The following SVEP1 variants were observed in gnomAD, a reference collection of about 807,000 sequenced individuals.
SVEP1 encodes the protein sushi, von Willebrand factor type A, EGF and pentraxin domain containing 1.
Under a neutral mutation model 367.3 loss-of-function variants are expected in SVEP1, and 164 were observed. The ratio of observed to expected loss-of-function variants is 0.45; its 90% CI spans 0.39 to 0.51. The LOEUF (loss-of-function observed/expected upper bound fraction) is 0.51. Ranked by LOEUF, SVEP1 falls within the 20% of genes least tolerant of loss-of-function variation. The pLI is 0.00. For synonymous variants in SVEP1, 1,666 were observed against 1,611.6 expected (o/e 1.03, Z -0.81); for missense variants, 4,117 against 4,425.3 (o/e 0.93, Z 1.98).
intron 40 of SVEP1, among the ~76,000 whole-genome samples, chr9:110,390,188 CACTTATATAA>C (rs1827618845): frequency 1.5e-4 from 1 of 6,478 alleles, no homozygotes; most frequent in Non-Finnish European, 3.3e-4. Flanking sequence ...TGTATATATA[CACTTATATAA>C]GTATGTATGT....
At chr9:110,399,874 A>G (rs967406406) in intron 40 of SVEP1, among the ~76,000 whole-genome samples, 2 of 152,200 alleles carry the variant, frequency 1.3e-5, no homozygotes, top group African/African-American at 2.4e-5. Context: ...TAAAAATAAA[A>G]AAGAGTTTCC....
chr9:110,423,979 A>T (rs1208630405), intron 36 of SVEP1, among the ~76,000 whole-genome samples: 1 of 152,234 alleles, frequency 6.6e-6, no homozygotes, highest in East Asian at 1.9e-4. Context: ...GGAAAGAAGA[A>T]TCAACTGTGA....
intron 3 of SVEP1, among the ~76,000 whole-genome samples, chr9:110,542,192 G>A (rs1328358794): frequency 6.6e-6 from 1 of 152,088 alleles, no homozygotes; most frequent in Non-Finnish European, 1.5e-5. Flanking sequence ...AAACATGGGG[G>A]AAGACAGCAG....
intron 46 of SVEP1, among the ~76,000 whole-genome samples, chr9:110,372,182 T>G (rs559675623): frequency 6.6e-6 from 1 of 152,332 alleles, no homozygotes; most frequent in African/African-American, 2.4e-5. Flanking sequence ...TCCTTTTGTT[T>G]CTCCTCAGAT....
At chr9:110,539,617 A>ATG (rs1414152419) in intron 3 of SVEP1, among the ~76,000 whole-genome samples, 11 of 150,764 alleles carry the variant, frequency 7.3e-5, no homozygotes, top group African/African-American at 9.7e-5. Context: ...TTTTTAAAGT[A>ATG]TATATATACA....
At chr9:110,402,227 T>A (rs1216100529) in intron 39 of SVEP1, among the ~76,000 whole-genome samples, 3 of 152,182 alleles carry the variant, frequency 2.0e-5, no homozygotes, top group African/African-American at 7.2e-5. Context: ...AGCTTCTGAC[T>A]CATTACTTCT....
intron 5 of SVEP1, among the ~76,000 whole-genome samples, chr9:110,511,073 C>T (rs1829703462): frequency 1.3e-5 from 2 of 152,152 alleles, no homozygotes; most frequent in African/African-American, 2.4e-5. Flanking sequence ...ATTCTTTCTC[C>T]TTGGTAGGTA....
At chr9:110,404,104 T>G (rs770582189) in intron 39 of SVEP1, among the ~76,000 whole-genome samples, 10 of 152,222 alleles carry the variant, frequency 6.6e-5, no homozygotes, top group Admixed American at 2.6e-4. Flanking sequence ...ATAGAAATCT[T>G]AATATTTTAC....
rs1219987952 is a variant in SVEP1 at position 110,385,922 on chromosome 9, T to G, written c.10213A>C (p.Thr3405Pro). ...CTTTCACATTTGGCGCTTGTCTGTG[T>G]CCACGTCTCGTCGGGGTTGCAGGTA... The part of the protein sequence containing the change: ...IITCNPDETW[T>P]QTSAKCEKIS... The change falls in exon 43 of 48, where the codon ACA (threonine) becomes CCA (proline). Residue 3405 changes from threonine to proline, a missense_variant. By Grantham distance (38) the Thr-to-Pro change is conservative. Transcript: ENST00000374469. 1 of 1,613,788 alleles carries G rather than the reference T, an allele frequency of 6.2e-7. No individual in the cohort carries two copies. Among genetic ancestry groups the G allele is most frequent in the Admixed American group, 1.7e-5 (1 of 59,964 alleles).
Position 110,398,557 on chromosome 9 carries a change from C to A in SVEP1, c.9822+2297G>T, listed in dbSNP as rs141246315. Among the ~76,000 whole-genome samples, 1,216 of 147,446 alleles carry A rather than the reference C, an allele frequency of 8.2e-3. 18 individuals are homozygous for A. Among genetic ancestry groups the A allele is most frequent in the African/African-American group, 0.028 (1,127 of 40,648 alleles). On this transcript the variant is annotated intron_variant, in intron 40 of 47. Transcript: ENST00000374469. ...AACTATCATTAGAGTGAACAGGCAA[C>A]CTACAGAATGGGAGAAAATTTTTCC...
rs759544490 is a variant in SVEP1, at chr9:110,407,257, GAC to G, written c.8341_8342del (p.Val2781HisfsTer19). 1.2e-6 allele frequency: 2 copies of G among 1,613,992 alleles called. No individual in the cohort carries two copies. The highest frequency in any genetic ancestry group is 1.7e-6 in the Non-Finnish European group (2 of 1,179,898). On this transcript the variant is annotated frameshift_variant, in exon 38 of 48. Coordinates refer to ENST00000374469, the MANE Select transcript of SVEP1 (RefSeq NM_153366.4). LOFTEE classifies it high-confidence loss of function. Reference protein sequence around the residue: ...EAISCKKPNPVMNGSIKGSNY... With the variant: ...EAISCKKPNPXMNGSIKGSNY... ...TGCTTCCTTTGATGGATCCATTCAT[GAC>G]TGGATTTGGCTTTTTGCATGAAATG...
At chr9:110,477,379 A>C (rs62569938) in intron 13 of SVEP1, among the ~76,000 whole-genome samples, 39,082 of 152,064 alleles carry the variant, frequency 0.26, 5,794 homozygotes, top group Non-Finnish European at 0.32. Flanking sequence ...ACAACACTTA[A>C]CCTTGGTTAA....
chr9:110,427,408 G>C (rs1038527343), intron 36 of SVEP1, among the ~76,000 whole-genome samples, 183 bp downstream of exon 36: 4 of 151,662 alleles, frequency 2.6e-5, no homozygotes, highest in African/African-American at 9.7e-5. Context: ...CAAATTCCAG[G>C]AAAATATTAT....
At chr9:110,395,838 C>G (rs921741786) in intron 40 of SVEP1, among the ~76,000 whole-genome samples, 1 of 152,176 alleles carries the variant, frequency 6.6e-6, no homozygotes, top group East Asian at 1.9e-4. Context: ...TACAGGAGCA[C>G]CCAGATTCAT....
intron 40 of SVEP1, among the ~76,000 whole-genome samples, chr9:110,390,027 GTATATA>G (rs910751829): frequency 2.1e-5 from 2 of 93,078 alleles, no homozygotes; most frequent in Non-Finnish European, 2.2e-5. Flanking sequence ...GTGTGTGTGT[GTATATA>G]TATATAAGTA....
At chr9:110,542,973 A>AAATAT (rs1244008251) in intron 3 of SVEP1, among the ~76,000 whole-genome samples, 5 of 147,282 alleles carry the variant, frequency 3.4e-5, no homozygotes, top group African/African-American at 1.2e-4. Context: ...ATTAAAAAAA[A>AAATAT]ATATATATAT....
At chr9:110,430,664 A>C (rs1016492399) in intron 32 of SVEP1, among the ~76,000 whole-genome samples, 1 of 152,236 alleles carries the variant, frequency 6.6e-6, no homozygotes, top group Non-Finnish European at 1.5e-5. Context: ...TGAAACAGCA[A>C]TTCCTAACAA....
chr9:110,490,452 C>T (rs1356826963), intron 8 of SVEP1, among the ~76,000 whole-genome samples: 2 of 152,040 alleles, frequency 1.3e-5, no homozygotes, highest in African/African-American at 2.4e-5. Context: ...ACATGTATTC[C>T]TACCCACTAA....
intron 3 of SVEP1, among the ~76,000 whole-genome samples, chr9:110,530,144 G>T (rs1054732755): frequency 3.3e-5 from 5 of 152,060 alleles, no homozygotes. Context: ...TTTTGTGTAT[G>T]TACTGAATCA....
Sources: gnomAD v4.1 joint callset for allele counts (sites outside exome capture counted in the v4.1 genomes callset) on GRCh38, gnomAD v4.1.1 for gene constraint, MANE v1.5 for transcripts, NCBI Gene and HGNC (gene_info 2026-07-23, HGNC 2026-07-21) for gene names.